ZNF280D: variants seen among roughly 807,000 people sequenced by gnomAD.
ZNF280D encodes the protein suppressor of hairy wing homolog 4.
Under a neutral mutation model 94.7 loss-of-function variants are expected in ZNF280D, and 39 were observed. The observed-to-expected ratio is 0.41, with a 90% CI of 0.32 to 0.54. The LOEUF is 0.54. ZNF280D is among the 20% of genes least tolerant of loss of function. The pLI, the probability that ZNF280D is intolerant of heterozygous loss-of-function variation, is 0.22. For synonymous variants in ZNF280D, 398 were observed against 377.6 expected, an observed-to-expected ratio of 1.05 and a Z score of -0.63; for missense variants, 1,090 against 1,149.3, an observed-to-expected ratio of 0.95 and a Z score of 0.75.
chr15:56,728,372 A>G (rs974673926), intron 1 of ZNF280D, among the ~76,000 whole-genome samples: 1 of 152,206 alleles, frequency 6.6e-6, no homozygotes, highest in Admixed American at 6.5e-5. Context: ...TGCAAAGGTG[A>G]CTGGAAGGAA....
intron 7 of ZNF280D, among the ~76,000 whole-genome samples, chr15:56,691,504 T>G (rs2056419361): frequency 6.6e-6 from 1 of 152,190 alleles, no homozygotes; most frequent in Non-Finnish European, 1.5e-5. Flanking sequence ...ATCTCAAGAT[T>G]AAATAAAATC....
At chr15:56,677,452 A>G in intron 12 of ZNF280D, 122 bp downstream of exon 12, 1 of 637,206 alleles carries the variant, frequency 1.6e-6, no homozygotes, top group East Asian at 3.3e-5. Context: ...TCCCTCATAT[A>G]ATGCATAAGT....
Position 56,707,091 on chromosome 15 carries a change from G to T in ZNF280D, c.19C>A (p.Gln7Lys). ...TGGCAGCAACACTTACTTTTTGGTT[G>T]AAAAGGGTTGTCGCCCATCAAGCTG... MGDNPF[Q>K]PKSNSKMAEL... The change falls in exon 3 of 22, where the codon CAA becomes AAA. Residue 7 changes from glutamine (Q) to lysine (K), a missense_variant. Gln to Lys is a moderately conservative substitution (Grantham distance 53, BLOSUM62 1). Transcript: ENST00000267807. 6.2e-7 allele frequency: 1 copy of T among 1,613,906 alleles called. No individual in the cohort carries two copies. Among genetic ancestry groups the T allele is most frequent in the Middle Eastern group, 1.7e-4 (1 of 6,056 alleles).
At chr15:56,666,322 A>C in intron 16 of ZNF280D, 73 bp downstream of exon 16, 2 of 1,534,228 alleles carry the variant, frequency 1.3e-6, no homozygotes, top group South Asian at 2.4e-5. Context: ...CTAATAGGAT[A>C]ACTTTGTTTT....
intron 20 of ZNF280D, among the ~76,000 whole-genome samples, chr15:56,636,149 T>C (rs1404238583): frequency 6.6e-6 from 1 of 152,146 alleles, no homozygotes; most frequent in Admixed American, 6.5e-5. Flanking sequence ...TTTTTACTCA[T>C]AAAGATGAAG....
rs552812799 is a variant in ZNF280D at position 56,697,568 on chromosome 15, G to C, written c.381+3365C>G. ...TAGAGACTCAGCAGTCTCCCTTATT[G>C]TTCTTATTATTTAAACAATATACAT... On this transcript the variant is annotated intron_variant, in intron 6 of 21. Coordinates refer to ENST00000267807, the MANE Select transcript of ZNF280D (RefSeq NM_017661.4). 2.1e-3 allele frequency among the ~76,000 whole-genome samples: 321 copies of C among 152,208 alleles called. 2 individuals are homozygous for C. Among genetic ancestry groups the C allele is most frequent in the African/African-American group, 7.6e-3 (314 of 41,550 alleles).
chr15:56,656,032 C>T (rs1407165680), intron 17 of ZNF280D, among the ~76,000 whole-genome samples: 9 of 152,080 alleles, frequency 5.9e-5, no homozygotes, highest in African/African-American at 2.2e-4. Context: ...AGGCCTAATA[C>T]CTATCCAGAT....
intron 12 of ZNF280D, 102 bp downstream of exon 12, chr15:56,677,472 T>G (rs1297244120): frequency 2.7e-6 from 2 of 740,100 alleles, no homozygotes; most frequent in Admixed American, 2.1e-5. Context: ...TTATGCCAAG[T>G]TATGCATAAG....
At chr15:56,678,079 C>G (rs1474845618) in intron 11 of ZNF280D, among the ~76,000 whole-genome samples, 2 of 151,228 alleles carry the variant, frequency 1.3e-5, no homozygotes, top group Non-Finnish European at 2.9e-5. Flanking sequence ...GCAATCTCGG[C>G]TTACTGCAAC....
intron 1 of ZNF280D, among the ~76,000 whole-genome samples, chr15:56,728,629 G>T (rs763233118): frequency 6.6e-6 from 1 of 152,150 alleles, no homozygotes; most frequent in Non-Finnish European, 1.5e-5. Flanking sequence ...TTGAAATTTA[G>T]AATCAGTATT....
At chr15:56,641,721 C>T (rs1451055486) in intron 20 of ZNF280D, among the ~76,000 whole-genome samples, 4 of 151,712 alleles carry the variant, frequency 2.6e-5, no homozygotes, top group Admixed American at 6.6e-5. Flanking sequence ...CAAACAGTGG[C>T]TTGTATACCC....
chr15:56,694,763 T>A (rs2056645885), intron 6 of ZNF280D, among the ~76,000 whole-genome samples: 1 of 152,100 alleles, frequency 6.6e-6, no homozygotes, highest in Non-Finnish European at 1.5e-5. Context: ...TAACTGCAAG[T>A]ATCCTGAATA....
At position 56,654,488 on chromosome 15, in the gene ZNF280D, C is replaced by T. The variant is rs745345505; in HGVS notation, c.2073G>A (p.Val691=). 6.3e-7 allele frequency: 1 copy of T among 1,591,400 alleles called. No individual in the cohort carries two copies. The highest frequency in any genetic ancestry group is 1.2e-5 in the South Asian group (1 of 85,964). The change falls in exon 18 of 22, where the codon GTG becomes GTA. Residue 691 remains valine, a synonymous_variant. Coordinates refer to ENST00000267807, the MANE Select transcript of ZNF280D (RefSeq NM_017661.4). Reference sequence around the variant, plus strand: ...CACTTAGGAAATCACAATTAAGGCACACTAGAGTAATGCCCCTAAAAAAAA... The same window carrying T: ...CACTTAGGAAATCACAATTAAGGCATACTAGAGTAATGCCCCTAAAAAAAA... ...HSENLRGITL[V]CLNCDFLSDV...
At chr15:56,653,182 A>G in intron 19 of ZNF280D, 1 of 1,039,278 alleles carries the variant, frequency 9.6e-7, no homozygotes, top group Non-Finnish European at 1.2e-6. Context: ...CCTAACAACT[A>G]GAGTTTTTAT....
intron 16 of ZNF280D, among the ~76,000 whole-genome samples, chr15:56,665,017 G>A (rs78206113): frequency 0.022 from 3,343 of 152,114 alleles, 109 homozygotes; most frequent in African/African-American, 0.067. Flanking sequence ...TATAGGAAGA[G>A]ATTTAAATAG....
intron 20 of ZNF280D, among the ~76,000 whole-genome samples, chr15:56,640,854 G>C (rs1457242944): frequency 1.3e-5 from 2 of 152,152 alleles, no homozygotes; most frequent in African/African-American, 4.8e-5. Context: ...GTATGTTATT[G>C]ATATCAAATG....
chr15:56,635,346 C>A, intron 20 of ZNF280D, 96 bp from the exon 21 acceptor site: 1 of 448,902 alleles, frequency 2.2e-6, no homozygotes, highest in East Asian at 4.4e-5. Flanking sequence ...AACAAGTGTG[C>A]AACTTAATAT....
At chr15:56,733,319 C>T in intron 1 of ZNF280D, 139 bp downstream of exon 1, 1 of 361,112 alleles carries the variant, frequency 2.8e-6, no homozygotes, top group Non-Finnish European at 3.9e-6. Context: ...TCTCCTCCCC[C>T]GCGCTCTGGG....
chr15:56,712,345 G>A (rs567376444), intron 1 of ZNF280D, among the ~76,000 whole-genome samples: 1 of 151,916 alleles, frequency 6.6e-6, no homozygotes, highest in Non-Finnish European at 1.5e-5. Flanking sequence ...TTTCTATTAA[G>A]AAAAAAACGT....
Sources: gnomAD v4.1 joint callset for allele counts (sites outside exome capture counted in the v4.1 genomes callset) on GRCh38, gnomAD v4.1.1 for gene constraint, MANE v1.5 for transcripts, NCBI Gene and HGNC (gene_info 2026-07-23, HGNC 2026-07-21) for gene names.